The following ADRA1A variants were observed in gnomAD, a reference collection of about 807,000 sequenced individuals.
The protein encoded by ADRA1A is adrenoceptor alpha 1A, also known as alpha-1A adrenergic receptor.
Under a neutral mutation model 29.6 loss-of-function variants are expected in ADRA1A, and 31 were observed. That is an observed-to-expected ratio of 1.05 (90% CI 0.79 to 1.41). The LOEUF (loss-of-function observed/expected upper bound fraction) is 1.41. Ranked by LOEUF, ADRA1A falls within the 40% of genes most tolerant of loss-of-function variation. The pLI is 0.00. For missense variants in ADRA1A, 619 were observed against 601.1 expected (o/e 1.03, Z -0.31); for synonymous variants, 311 against 254.3 (o/e 1.22, Z -2.12).
chr8:26,838,943 G>A (rs556348504), intron 2 of ADRA1A, among the ~76,000 whole-genome samples: 2 of 152,226 alleles, frequency 1.3e-5, no homozygotes, highest in East Asian at 1.9e-4. Context: ...CCCTCACCAT[G>A]TGACTAGCTC....
chr8:26,756,639 G>C, exon 3 of ADRA1A: 3 of 1,591,094 alleles, frequency 1.9e-6, no homozygotes, highest in Non-Finnish European at 2.6e-6. Context: ...CCAAGTGTCA[G>C]GCAAGGCTCC....
At position 26,760,127 on chromosome 8, in the gene ADRA1A, A is replaced by G. The variant is rs145667941; in HGVS notation, c.1270-3348T>C. On this transcript the variant is annotated intron_variant, in intron 2 of 2. Coordinates refer to the ADRA1A transcript ENST00000380582. ...TCCTGATTCTTCCAAATGAGGATAA[A>G]TGCTCCTCGCTTCTCAGCAGGAACC... is the stretch of plus-strand genomic sequence containing the variant. Among the ~76,000 whole-genome samples, 31 of 152,334 alleles carry G rather than the reference A, an allele frequency of 2.0e-4. 1 individual carries two copies. Among genetic ancestry groups the G allele is most frequent in the Admixed American group, 1.2e-3 (19 of 15,304 alleles).
At chr8:26,779,124 A>G in intron 2 of ADRA1A, 1 of 524,598 alleles carries the variant, frequency 1.9e-6, no homozygotes. Flanking sequence ...TGATTGTCTC[A>G]TCCTCCAGAG....
At chr8:26,814,730 G>A (rs1563274221) in intron 2 of ADRA1A, among the ~76,000 whole-genome samples, 1 of 152,122 alleles carries the variant, frequency 6.6e-6, no homozygotes, top group Non-Finnish European at 1.5e-5. Flanking sequence ...ATTTGTGTTG[G>A]CCAAATGATA....
In ADRA1A at chr8:26,804,516, A is replaced by C. The variant is rs565033799; in HGVS notation, c.884-33850T>G. Among the ~76,000 whole-genome samples the C allele has an allele frequency of 2.0e-5, 3 of 152,372 alleles. No individual in the cohort carries two copies. In the South Asian group the frequency reaches 6.2e-4, roughly 32 times the overall value. ...AGATTCATACTGCATGATTTTCTTC[A>C]TTGTAGGAGTCTAGAAATTGCAAGA... On this transcript the variant is annotated intron_variant, in intron 2 of 2. Transcript: ENST00000380573.
chr8:26,790,406 T>C (rs1292686937), intron 2 of ADRA1A, among the ~76,000 whole-genome samples: 1 of 151,920 alleles, frequency 6.6e-6, no homozygotes, highest in East Asian at 1.9e-4. Flanking sequence ...GCTAAAAAAG[T>C]TGGTCTCGTA....
At chr8:26,791,507 T>C (rs1807833135) in intron 2 of ADRA1A, among the ~76,000 whole-genome samples, 1 of 152,168 alleles carries the variant, frequency 6.6e-6, no homozygotes, top group Non-Finnish European at 1.5e-5. Flanking sequence ...CTCCTAGAGC[T>C]TCACATGCAG....
chr8:26,766,999 A>C (rs1805827997), downstream of ADRA1A, among the ~76,000 whole-genome samples: 1 of 152,168 alleles, frequency 6.6e-6, no homozygotes, highest in East Asian at 1.9e-4. Flanking sequence ...TGAGAGAGGC[A>C]AAGGAAAGAA....
At chr8:26,819,437 TAAAC>T (rs909037322) in intron 2 of ADRA1A, among the ~76,000 whole-genome samples, 15 of 151,572 alleles carry the variant, frequency 9.9e-5, no homozygotes, top group South Asian at 2.1e-4. Context: ...AATTAATAAA[TAAAC>T]AATACAAAAA....
intron 2 of ADRA1A, among the ~76,000 whole-genome samples, chr8:26,837,663 A>AAG (rs1474956992): frequency 6.6e-6 from 1 of 151,848 alleles, no homozygotes; most frequent in East Asian, 1.9e-4. Flanking sequence ...AAAAAAAAAA[A>AAG]AAGTGTACAG....
At chr8:26,803,769 C>CTTGACAT (rs1808766356) in intron 2 of ADRA1A, among the ~76,000 whole-genome samples, 2 of 152,216 alleles carry the variant, frequency 1.3e-5, no homozygotes, top group African/African-American at 4.8e-5. Context: ...AGAATAGACA[C>CTTGACAT]TTGACATAGG....
At chr8:26,768,367 G>A (rs1037936745), downstream of ADRA1A, among the ~76,000 whole-genome samples, 8 of 152,156 alleles carry the variant, frequency 5.3e-5, no homozygotes, top group Non-Finnish European at 7.4e-5. Flanking sequence ...GATTGTTGTC[G>A]AGAATTATTC....
chr8:26,864,470 T>C lies in ADRA1A; in HGVS notation c.500A>G (p.Gln167Arg). The C allele has an allele frequency of 6.2e-7, 1 of 1,613,668 alleles. No individual in the cohort carries two copies. Among genetic ancestry groups the C allele is most frequent in the Non-Finnish European group, 8.5e-7 (1 of 1,180,034 alleles). ...ISIGPLFGWRQPAPEDETICQ... is the reference protein window; with the variant it reads ...ISIGPLFGWRRPAPEDETICQ... The stretch of plus-strand genomic sequence containing the variant: ...GATGGTCTCGTCCTCGGGGGCCGGC[T>C]GCCTCCAGCCGAACAGGGGTCCAAT... Residue 167 changes from glutamine to arginine, a missense_variant, in exon 2 of 3, where the codon CAG becomes CGG. Gln to Arg is a conservative substitution (Grantham distance 43). Coordinates refer to ENST00000380573, the MANE Select transcript of ADRA1A (RefSeq NM_000680.4). The surrounding 1 kb of genome is among the most constrained non-coding windows in gnomAD (Gnocchi z 8.1).
intron 2 of ADRA1A, among the ~76,000 whole-genome samples, chr8:26,809,933 A>G (rs1461034642): frequency 6.6e-6 from 1 of 152,242 alleles, no homozygotes; most frequent in South Asian, 2.1e-4. Flanking sequence ...TAGATTGTTC[A>G]TGGAACTTTC....
intron 2 of ADRA1A, among the ~76,000 whole-genome samples, chr8:26,839,657 A>C (rs115771079): frequency 0.026 from 3,932 of 152,272 alleles, 157 homozygotes; most frequent in African/African-American, 0.09. Flanking sequence ...TTGAGATCTT[A>C]GTCCACTCTG....
chr8:26,865,223 T>G lies in ADRA1A; in HGVS notation c.-254A>C. The G allele has an allele frequency of 1.5e-6, 2 of 1,318,398 alleles. No homozygotes were observed. Among genetic ancestry groups the G allele is most frequent in the East Asian group, 3.2e-5 (1 of 31,250 alleles). The allele number at this position is 1,318,398 out of a possible 1,614,324, so 81.7% of individuals were successfully genotyped here. A position where few individuals can be genotyped will look rare whatever the true frequency, so the allele number is the denominator to read the frequency against. ...GGGCGCGCGGGGCTGCCGGGGACCCTCTCCACCTGCCGGGCTGGCCTAGCC... is the reference window on the plus strand; with the variant it reads ...GGGCGCGCGGGGCTGCCGGGGACCCGCTCCACCTGCCGGGCTGGCCTAGCC... On this transcript the variant is annotated 5_prime_UTR_variant, in exon 2 of 3. Transcript: ENST00000380573. This position sits in a 1 kb window ranked among gnomAD's most constrained non-coding sequence, Gnocchi z 7.6.
rs771810203 is a variant in ADRA1A, at chr8:26,864,298, G to A, written c.672C>T (p.Thr224=). 1.9e-6 allele frequency: 3 copies of A among 1,613,956 alleles called. No individual in the cohort carries two copies. Among genetic ancestry groups the A allele is most frequent in the Non-Finnish European group, 1.7e-6 (2 of 1,180,016 alleles). The part of the protein sequence containing the change: ...ESRGLKSGLK[T]DKSDSEQVTL... ...TCACTTGCTCCGAGTCCGACTTGTC[G>A]GTCTTGAGGCCAGACTTGAGGCCCC... Residue 224 remains threonine, a synonymous_variant, in exon 2 of 3, where the codon ACC becomes ACT. Coordinates refer to ENST00000380573, the MANE Select transcript of ADRA1A (RefSeq NM_000680.4). This position sits in a 1 kb window ranked among gnomAD's most constrained non-coding sequence, Gnocchi z 8.1.
intron 2 of ADRA1A, among the ~76,000 whole-genome samples, chr8:26,771,264 C>G (rs999108655): frequency 4.6e-5 from 7 of 152,214 alleles, no homozygotes; most frequent in African/African-American, 1.4e-4. Context: ...CGTTAGCTCC[C>G]TTTGTCAATA....
At chr8:26,854,405 C>A (rs891760812) in intron 2 of ADRA1A, 1 of 89,462 alleles carries the variant, frequency 1.1e-5, no homozygotes, top group African/African-American at 4.7e-5. Flanking sequence ...CAAAAAAATG[C>A]CTGAAGTTAA....
Sources: allele counts gnomAD v4.1 joint callset (sites outside exome capture counted in the v4.1 genomes callset), GRCh38; gene constraint gnomAD v4.1.1; non-coding constraint Gnocchi (gnomAD v3.1); transcripts MANE v1.5; gene names NCBI Gene and HGNC (gene_info 2026-07-23, HGNC 2026-07-21).